Variants in TTLL5 observed in about 807,000 individuals in gnomAD.
The protein encoded by TTLL5 is tubulin polyglutamylase TTLL5.
TTLL5 carries 132 observed loss-of-function variants against 168.4 expected under a neutral mutation model. That is an observed-to-expected ratio of 0.78 (90% CI 0.68 to 0.91). The LOEUF (loss-of-function observed/expected upper bound fraction) is 0.91, where lower values mean the gene tolerates loss of function less well. Among genes scored for constraint, TTLL5 ranks in the 40% least tolerant of loss-of-function variants. The pLI, the probability that TTLL5 is intolerant of heterozygous loss-of-function variation, is 0.00. For missense variants in TTLL5, 1,545 were observed against 1,581.5 expected, an observed-to-expected ratio of 0.98 and a Z score of 0.39; for synonymous variants, 546 against 558.6, an observed-to-expected ratio of 0.98 and a Z score of 0.32.
chr14:75,931,661 C>G (rs542123924), intron 31 of TTLL5, among the ~76,000 whole-genome samples: 1 of 152,266 alleles, frequency 6.6e-6, no homozygotes, highest in Non-Finnish European at 1.5e-5. Flanking sequence ...AGTGCAAACT[C>G]TGTAAGTGGA....
intron 24 of TTLL5, among the ~76,000 whole-genome samples, chr14:75,782,224 G>A (rs1047329246): frequency 1.3e-5 from 2 of 152,050 alleles, no homozygotes; most frequent in East Asian, 3.9e-4. Context: ...TTGGCTGTCC[G>A]TGGATGGCTG....
At chr14:75,713,546 A>G (rs142264492) in intron 9 of TTLL5, among the ~76,000 whole-genome samples, 2,173 of 152,300 alleles carry the variant, frequency 0.014, 25 homozygotes, top group Non-Finnish European at 0.023. Context: ...TACCTAGTAA[A>G]TAGTGCTCTT....
At chr14:75,709,309 C>A in intron 9 of TTLL5, 1 of 698,364 alleles carries the variant, frequency 1.4e-6, no homozygotes, top group South Asian at 1.5e-5. Context: ...ATTTTAGAGA[C>A]TTAGTTTTTT....
At chr14:75,869,848 C>T in intron 29 of TTLL5, among the ~76,000 whole-genome samples, 1 of 3,512 alleles carries the variant, frequency 2.8e-4, no homozygotes. Context: ...GCGATGGAGT[C>T]TCACTCTGTT....
chr14:75,771,330 G>A (rs1891298324), intron 20 of TTLL5, among the ~76,000 whole-genome samples: 1 of 152,146 alleles, frequency 6.6e-6, no homozygotes, highest in Non-Finnish European at 1.5e-5. Flanking sequence ...GGGTGGCTGA[G>A]GCACAAGAAT....
chr14:75,731,070 A>G (rs1339699238), intron 12 of TTLL5, among the ~76,000 whole-genome samples: 1 of 152,102 alleles, frequency 6.6e-6, no homozygotes, highest in Non-Finnish European at 1.5e-5. Flanking sequence ...TGTGTTCTAG[A>G]AGAGAGTTTT....
intron 18 of TTLL5, among the ~76,000 whole-genome samples, chr14:75,760,582 A>G (rs1890572054): frequency 6.6e-6 from 1 of 152,100 alleles, no homozygotes; most frequent in Non-Finnish European, 1.5e-5. Context: ...GTAATTCTAC[A>G]GTATTCAAGA....
At chr14:75,784,153 A>G (rs765410556) in intron 26 of TTLL5, among the ~76,000 whole-genome samples, 1 of 152,190 alleles carries the variant, frequency 6.6e-6, no homozygotes, top group Non-Finnish European at 1.5e-5. Context: ...CATCATCTCC[A>G]AAAGAAACCC....
intron 28 of TTLL5, among the ~76,000 whole-genome samples, chr14:75,853,406 C>T (rs1896975507): frequency 6.6e-6 from 1 of 152,204 alleles, no homozygotes. Flanking sequence ...CCTCATTCTT[C>T]CTGTGGACTC....
At chr14:75,719,698 G>A in intron 10 of TTLL5, 37 bp from the exon 11 acceptor site, 3 of 1,556,922 alleles carry the variant, frequency 1.9e-6, no homozygotes, top group Non-Finnish European at 1.7e-6. Context: ...GCCAAGCCTA[G>A]TTACATATGT....
intron 4 of TTLL5, 29 bp downstream of exon 4, chr14:75,681,656 TCTGCTCATAAGCTGAAAATCCCA>T: frequency 6.3e-7 from 1 of 1,594,654 alleles, no homozygotes; most frequent in Middle Eastern, 1.7e-4. Context: ...CCTCACCTGA[TCTGCTCATAAGCTGAAAATCCCA>T]GCCACCTAAC....
At chr14:75,727,216 G>A (rs986015610) in intron 12 of TTLL5, among the ~76,000 whole-genome samples, 3 of 152,146 alleles carry the variant, frequency 2.0e-5, no homozygotes, top group Non-Finnish European at 2.9e-5. Context: ...GAAACCATAT[G>A]TTTATACGAA....
Position 75,915,863 on chromosome 14 carries a change from C to T in TTLL5, c.3823+13639C>T, listed in dbSNP as rs140198660. 9.9e-5 allele frequency among the ~76,000 whole-genome samples: 15 copies of T among 152,284 alleles called. 1 individual carries two copies. The East Asian group carries it at 2.9e-3, about 29-fold the overall frequency. ...AAAAAATAAGTCGGACATGGTGGCT[C>T]CTGCCTGTAATCCTAGCACTTTGGG... is the stretch of plus-strand genomic sequence containing the variant. On this transcript the variant is annotated intron_variant, in intron 31 of 31. Transcript: ENST00000298832.
chr14:75,706,430 A>G (rs1390849850), intron 7 of TTLL5, among the ~76,000 whole-genome samples: 5 of 152,210 alleles, frequency 3.3e-5, no homozygotes, highest in African/African-American at 1.2e-4. Context: ...TATTTATTGT[A>G]TAAACAACTG....
intron 27 of TTLL5, among the ~76,000 whole-genome samples, chr14:75,801,218 G>A (rs1329518078): frequency 6.6e-6 from 1 of 152,108 alleles, no homozygotes; most frequent in East Asian, 1.9e-4. Flanking sequence ...TGTGGGGGAT[G>A]GGGGTGTGGT....
At chr14:75,766,943 C>T (rs1190558282) in intron 20 of TTLL5, among the ~76,000 whole-genome samples, 1 of 152,042 alleles carries the variant, frequency 6.6e-6, no homozygotes, top group Non-Finnish European at 1.5e-5. Flanking sequence ...GTGGTCGGAT[C>T]ACCTAAGGTC....
intron 2 of TTLL5, among the ~76,000 whole-genome samples, chr14:75,664,134 G>A (rs893718226): frequency 1.3e-5 from 2 of 151,164 alleles, no homozygotes; most frequent in African/African-American, 4.9e-5. Flanking sequence ...TACAGATGAC[G>A]ATAAAGGCTT....
intron 7 of TTLL5, 105 bp downstream of exon 7, chr14:75,699,375 C>T (rs1331394231): frequency 2.9e-6 from 3 of 1,040,626 alleles, no homozygotes; most frequent in African/African-American, 3.2e-5. Context: ...AGCAGGTGTG[C>T]TCTTCTTAAA....
At chr14:75,762,411 TAA>T (rs1436967467) in intron 18 of TTLL5, among the ~76,000 whole-genome samples, 1 of 151,972 alleles carries the variant, frequency 6.6e-6, no homozygotes, top group Admixed American at 6.6e-5. Context: ...AATAAATAAA[TAA>T]ATAGTTGGAA....
Sources: gnomAD v4.1 joint callset for allele counts (sites outside exome capture counted in the v4.1 genomes callset) on GRCh38, gnomAD v4.1.1 for gene constraint, MANE v1.5 for transcripts, NCBI Gene and HGNC (gene_info 2026-07-23, HGNC 2026-07-21) for gene names.